Variants in GNG10 observed in about 807,000 individuals in gnomAD.
The protein encoded by GNG10 is guanine nucleotide-binding protein G(I)/G(S)/G(O) subunit gamma-10.
Under a neutral mutation model 6.8 loss-of-function variants are expected in GNG10, and 7 were observed. That is an observed-to-expected ratio of 1.02 (90% CI 0.58 to 1.92). The LOEUF is 1.92. Among genes scored for constraint, GNG10 ranks in the 30% most tolerant of loss-of-function variants. The pLI is 0.00. For missense variants in GNG10, 57 were observed against 86.1 expected (o/e 0.66, Z 1.34); for synonymous variants, 28 against 34.8 (o/e 0.80, Z 0.69).
In GNG10 at chr9:111,661,776, C is replaced by A; in HGVS notation, c.81+61C>A. 1 of 1,032,836 alleles carries A rather than the reference C, an allele frequency of 9.7e-7. No homozygotes were observed. The highest frequency in any genetic ancestry group is 1.3e-6 in the Non-Finnish European group (1 of 799,730). 64.0% of individuals were successfully genotyped at this position (1,032,836 alleles called of 1,614,324 possible). Reference sequence around the variant, plus strand: ...GCCCGCGGGGCGTGAGAAGAGGAGGCCGGCGGCCCGGACCGGGCGCCAGCG... The same window carrying A: ...GCCCGCGGGGCGTGAGAAGAGGAGGACGGCGGCCCGGACCGGGCGCCAGCG... On this transcript the variant is annotated intron_variant, in intron 1 of 2. Coordinates refer to ENST00000374293, the MANE Select transcript of GNG10 (RefSeq NM_001017998.4). This position sits in a 1 kb window ranked among gnomAD's most constrained non-coding sequence, Gnocchi z 6.1.
Position 111,669,446 on chromosome 9 carries a change from T to G in GNG10, c.*184T>G, listed in dbSNP as rs936501909. On this transcript the variant is annotated 3_prime_UTR_variant, in exon 3 of 3. Coordinates refer to ENST00000374293, the MANE Select transcript of GNG10 (RefSeq NM_001017998.4). ...TTTCTACTTGAGTGAGAAAACTGGGTGAAGGAATAGAATTTTAAATAGTAA... is the reference window on the plus strand; with the variant it reads ...TTTCTACTTGAGTGAGAAAACTGGGGGAAGGAATAGAATTTTAAATAGTAA... 2 of 151,846 alleles carry G rather than the reference T, an allele frequency of 1.3e-5. No individual in the cohort carries two copies. The highest frequency in any genetic ancestry group is 4.1e-4 in the South Asian group (2 of 4,824). The allele number at this position is 151,846 out of a possible 1,614,324, so 9.4% of individuals were successfully genotyped here. A position where few individuals can be genotyped will look rare whatever the true frequency, so the allele number is the denominator to read the frequency against.
In GNG10 at chr9:111,661,736, C is replaced by G; in HGVS notation, c.81+21C>G. 7.8e-7 allele frequency: 1 copy of G among 1,286,620 alleles called. No individual in the cohort carries two copies. The highest frequency in any genetic ancestry group is 2.4e-4 in the Middle Eastern group (1 of 4,140). 79.7% of individuals were successfully genotyped at this position (1,286,620 alleles called of 1,614,324 possible). ...TCAAGGTGCGGGCCCCGGGTACCCA[C>G]GCTCCGGTCCTTCCGCCCGCGGGGC... On this transcript the variant is annotated intron_variant, in intron 1 of 2. Coordinates refer to ENST00000374293, the MANE Select transcript of GNG10 (RefSeq NM_001017998.4). The surrounding 1 kb of genome is among the most constrained non-coding windows in gnomAD (Gnocchi z 6.1).
In GNG10 at chr9:111,661,763, TGAGAA is replaced by T. The variant is rs1274057797; in HGVS notation, c.81+52_81+56del. On this transcript the variant is annotated intron_variant, in intron 1 of 2. Coordinates refer to ENST00000374293, the MANE Select transcript of GNG10 (RefSeq NM_001017998.4). The surrounding 1 kb of genome is among the most constrained non-coding windows in gnomAD (Gnocchi z 6.1). ...CTCCGGTCCTTCCGCCCGCGGGGCG[TGAGAA>T]GAGGAGGCCGGCGGCCCGGACCGGG... The T allele has an allele frequency of 1.1e-5, 13 of 1,160,874 alleles. No homozygotes were observed. In the East Asian group the frequency reaches 2.9e-4, roughly 26 times the overall value. The allele number at this position is 1,160,874 out of a possible 1,614,324, so 71.9% of individuals were successfully genotyped here.
At position 111,661,963 on chromosome 9, in the gene GNG10, C is replaced by CA. The variant is rs1297843354; in HGVS notation, c.81+249dup. 6.6e-6 allele frequency among the ~76,000 whole-genome samples: 1 copy of CA among 151,880 alleles called. No individual in the cohort carries two copies. Among genetic ancestry groups the CA allele is most frequent in the Non-Finnish European group, 1.5e-5 (1 of 67,942 alleles). On this transcript the variant is annotated intron_variant, in intron 1 of 2. Coordinates refer to ENST00000374293, the MANE Select transcript of GNG10 (RefSeq NM_001017998.4). The surrounding 1 kb of genome is among the most constrained non-coding windows in gnomAD (Gnocchi z 6.1). ...CGGTCCCGGTCCCTGGGGGTGCGCC[C>CA]ACTCCAGAAGGCGGCCGTGGTCAGT...
intron 1 of GNG10, 75 bp from the exon 2 acceptor site, chr9:111,666,740 C>T (rs1178906419): frequency 2.4e-5 from 36 of 1,514,182 alleles, no homozygotes; most frequent in African/African-American, 4.1e-5. Flanking sequence ...GTTGGATGAT[C>T]GTTTTCAGAA....
At position 111,661,750 on chromosome 9, in the gene GNG10, C is replaced by T. The variant is rs1372590355; in HGVS notation, c.81+35C>T. ...CCGGGTACCCACGCTCCGGTCCTTC[C>T]GCCCGCGGGGCGTGAGAAGAGGAGG... On this transcript the variant is annotated intron_variant, in intron 1 of 2. Coordinates refer to ENST00000374293, the MANE Select transcript of GNG10 (RefSeq NM_001017998.4). The surrounding 1 kb of genome is among the most constrained non-coding windows in gnomAD (Gnocchi z 6.1). 1 of 1,236,058 alleles carries T rather than the reference C, an allele frequency of 8.1e-7. No individual in the cohort carries two copies. 76.6% of individuals were successfully genotyped at this position (1,236,058 alleles called of 1,614,324 possible).
At chr9:111,665,639 G>A (rs780259734) in intron 1 of GNG10, among the ~76,000 whole-genome samples, 5 of 152,186 alleles carry the variant, frequency 3.3e-5, no homozygotes, top group Non-Finnish European at 7.3e-5. Flanking sequence ...CACCAAGAGA[G>A]ATAGGTGCAG....
At chr9:111,665,403 A>C (rs1830881702) in intron 1 of GNG10, among the ~76,000 whole-genome samples, 1 of 152,208 alleles carries the variant, frequency 6.6e-6, no homozygotes. Context: ...AATTTGAGCT[A>C]GGTTCAGGTG....
At chr9:111,665,394 A>G (rs1186078518) in intron 1 of GNG10, among the ~76,000 whole-genome samples, 1 of 152,186 alleles carries the variant, frequency 6.6e-6, no homozygotes, top group Non-Finnish European at 1.5e-5. Context: ...TAGATGGACA[A>G]TTTGAGCTAG....
chr9:111,667,150 G>A (rs1589357408), intron 2 of GNG10, among the ~76,000 whole-genome samples: 1 of 152,318 alleles, frequency 6.6e-6, no homozygotes, highest in South Asian at 2.1e-4. Context: ...ACAGTCTGAA[G>A]TCTCTCTGGC....
chr9:111,666,744 T>G, intron 1 of GNG10, 71 bp from the exon 2 acceptor site: 1 of 1,527,476 alleles, frequency 6.5e-7, no homozygotes, highest in Admixed American at 1.9e-5. Flanking sequence ...GATGATCGTT[T>G]TCAGAATATC....
chr9:111,668,734 C>T (rs542650496), intron 2 of GNG10, among the ~76,000 whole-genome samples: 2 of 152,294 alleles, frequency 1.3e-5, no homozygotes, highest in South Asian at 2.1e-4. Flanking sequence ...ACCTGCCTGC[C>T]TCGGCCTCCC....
intron 1 of GNG10, among the ~76,000 whole-genome samples, chr9:111,664,164 AT>A (rs980818301): frequency 5.5e-4 from 84 of 152,292 alleles, no homozygotes; most frequent in African/African-American, 1.9e-3. Flanking sequence ...CCTTTTAAAA[AT>A]GATGATGAAA....
chr9:111,662,140 T>A (rs1003008710), intron 1 of GNG10, among the ~76,000 whole-genome samples: 5 of 151,928 alleles, frequency 3.3e-5, no homozygotes, highest in African/African-American at 1.2e-4. Context: ...TCTGTCGTCG[T>A]GACAGGGTGG....
Position 111,661,741 on chromosome 9 carries a change from C to T in GNG10, c.81+26C>T, listed in dbSNP as rs757004849. 8.7e-6 allele frequency: 11 copies of T among 1,269,904 alleles called. No individual in the cohort carries two copies. Among genetic ancestry groups the T allele is most frequent in the Non-Finnish European group, 1.1e-5 (11 of 979,556 alleles). 78.7% of individuals were successfully genotyped at this position (1,269,904 alleles called of 1,614,324 possible). A position where few individuals can be genotyped will look rare whatever the true frequency, so the allele number is the denominator to read the frequency against. On this transcript the variant is annotated intron_variant, in intron 1 of 2. Coordinates refer to ENST00000374293, the MANE Select transcript of GNG10 (RefSeq NM_001017998.4). This position sits in a 1 kb window ranked among gnomAD's most constrained non-coding sequence, Gnocchi z 6.1. ...GTGCGGGCCCCGGGTACCCACGCTC[C>T]GGTCCTTCCGCCCGCGGGGCGTGAG...
intron 2 of GNG10, among the ~76,000 whole-genome samples, chr9:111,667,668 C>T (rs1014243728): frequency 3.9e-5 from 6 of 152,086 alleles, no homozygotes; most frequent in African/African-American, 9.7e-5. Flanking sequence ...GCCTACCACC[C>T]GCTGTGATTT....
intron 1 of GNG10, among the ~76,000 whole-genome samples, chr9:111,665,391 A>G (rs1486417094): frequency 1.3e-5 from 2 of 152,202 alleles, no homozygotes; most frequent in African/African-American, 4.8e-5. Flanking sequence ...TCTTAGATGG[A>G]CAATTTGAGC....
Position 111,661,700 on chromosome 9 carries a change from C to G in GNG10, c.66C>G (p.Gly22=). ...RLVEQLKLEA[G]VERIKVSQAA... is the part of the protein sequence containing the mutation. ...TAGAGCAGCTCAAGTTGGAGGCTGGCGTGGAGAGGATCAAGGTGCGGGCCC... is the reference window on the plus strand; with the variant it reads ...TAGAGCAGCTCAAGTTGGAGGCTGGGGTGGAGAGGATCAAGGTGCGGGCCC... Residue 22 remains glycine (G), a synonymous_variant, in exon 1 of 3, where the codon GGC becomes GGG. Transcript: ENST00000374293. The surrounding 1 kb of genome is among the most constrained non-coding windows in gnomAD (Gnocchi z 6.1). 7.3e-7 allele frequency: 1 copy of G among 1,376,764 alleles called. No homozygotes were observed. The highest frequency in any genetic ancestry group is 2.4e-5 in the Admixed American group (1 of 42,080). The allele number at this position is 1,376,764 out of a possible 1,614,324, so 85.3% of individuals were successfully genotyped here. A position where few individuals can be genotyped will look rare whatever the true frequency, so the allele number is the denominator to read the frequency against.
At chr9:111,662,737 T>C (rs1457275186) in intron 1 of GNG10, among the ~76,000 whole-genome samples, 3 of 152,176 alleles carry the variant, frequency 2.0e-5, no homozygotes, top group Admixed American at 6.5e-5. Flanking sequence ...CATCGCTTCA[T>C]GTACTAAGTG....
Sources: gnomAD v4.1 joint callset for allele counts (sites outside exome capture counted in the v4.1 genomes callset) on GRCh38, gnomAD v4.1.1 for gene constraint, Gnocchi (gnomAD v3.1) non-coding constraint, MANE v1.5 for transcripts, NCBI Gene and HGNC (gene_info 2026-07-23, HGNC 2026-07-21) for gene names.